The following CACNG6 variants were observed in gnomAD, a reference collection of about 807,000 sequenced individuals.
The protein encoded by CACNG6 is calcium voltage-gated channel auxiliary subunit gamma 6.
A neutral mutation model predicts 23.9 loss-of-function variants in CACNG6; 21 were observed. The observed-to-expected ratio is 0.88, with a 90% CI of 0.62 to 1.26. The LOEUF (loss-of-function observed/expected upper bound fraction) is 1.26, where lower values mean the gene tolerates loss of function less well. Ranked by LOEUF, CACNG6 falls within the 50% of genes most tolerant of loss-of-function variation. The pLI, the probability that CACNG6 is intolerant of heterozygous loss-of-function variation, is 0.00. For synonymous variants in CACNG6, 182 were observed against 168.9 expected (o/e 1.08, Z -0.60); for missense variants, 340 against 352.9 (o/e 0.96, Z 0.29).
intron 1 of CACNG6, among the ~76,000 whole-genome samples, chr19:53,995,479 G>A (rs1228288820): frequency 6.6e-6 from 1 of 152,166 alleles, no homozygotes; most frequent in African/African-American, 2.4e-5. Flanking sequence ...CAGATGGGAT[G>A]TGTCATGTTT....
At chr19:54,007,587 T>C (rs1047162712) in intron 3 of CACNG6, among the ~76,000 whole-genome samples, 1 of 152,284 alleles carries the variant, frequency 6.6e-6, no homozygotes, top group Non-Finnish European at 1.5e-5. Flanking sequence ...TGAACATCTG[T>C]TGAATGAATC....
chr19:54,008,945 C>T (rs536695970), intron 3 of CACNG6, among the ~76,000 whole-genome samples: 1 of 152,284 alleles, frequency 6.6e-6, no homozygotes, highest in Admixed American at 6.5e-5. Context: ...AAGATTTCTT[C>T]GAGTTGACGT....
At chr19:54,009,923 CAAAAAAA>C (rs371771305) in intron 3 of CACNG6, among the ~76,000 whole-genome samples, 1 of 140,380 alleles carries the variant, frequency 7.1e-6, no homozygotes, top group Non-Finnish European at 1.5e-5. Context: ...AACTCCGTCT[CAAAAAAA>C]AAATAAAAAA....
At chr19:54,005,160 GA>G (rs1356876022) in intron 3 of CACNG6, among the ~76,000 whole-genome samples, 1 of 151,238 alleles carries the variant, frequency 6.6e-6, no homozygotes, top group Admixed American at 6.6e-5. Flanking sequence ...AGTGAGCTGG[GA>G]TCGCGCCACT....
At chr19:53,997,401 A>G (rs1226378531) in intron 1 of CACNG6, among the ~76,000 whole-genome samples, 1 of 151,982 alleles carries the variant, frequency 6.6e-6, no homozygotes, top group African/African-American at 2.4e-5. Flanking sequence ...TGCTGCTGTA[A>G]ACATCTGCAT....
intron 3 of CACNG6, among the ~76,000 whole-genome samples, chr19:54,002,275 G>GTTTTTTTTTTTTTTTTTTTTTT (rs1174799698): frequency 4.3e-5 from 5 of 116,432 alleles, no homozygotes; most frequent in African/African-American, 1.4e-4. Context: ...CGGTTTTTTT[G>GTTTTTTTTTTTTTTTTTTTTTT]TTTTTTTTGT....
intron 3 of CACNG6, among the ~76,000 whole-genome samples, chr19:54,008,190 T>C (rs1009470644): frequency 2.0e-5 from 3 of 151,066 alleles, no homozygotes; most frequent in Admixed American, 2.0e-4. Context: ...CCATCTCTAC[T>C]AAAAATACAA....
Position 54,002,267 on chromosome 19 carries a change from G to GTTTTTTTTTTTTT in CACNG6, c.544+2503_544+2504insTTTTTTTTTTTTT, listed in dbSNP as rs138464456. The stretch of plus-strand genomic sequence containing the variant: ...TGCCGCCAAGCCCGGCTAATTTTCG[G>GTTTTTTTTTTTTT]TTTTTTTGTTTTTTTTGTTTTTTTT... On this transcript the variant is annotated intron_variant, in intron 3 of 3. Coordinates refer to ENST00000252729, the MANE Select transcript of CACNG6 (RefSeq NM_145814.2). 7.6e-5 allele frequency among the ~76,000 whole-genome samples: 10 copies of GTTTTTTTTTTTTT among 131,942 alleles called. 1 individual carries two copies. Among genetic ancestry groups the GTTTTTTTTTTTTT allele is most frequent in the African/African-American group, 3.0e-4 (9 of 30,072 alleles). 86.6% of individuals were successfully genotyped at this position (131,942 alleles called of 152,430 possible).
Position 53,992,882 on chromosome 19 carries a change from T to C in CACNG6, c.5T>C (p.Met2Thr), listed in dbSNP as rs747728201. Reference sequence around the variant, plus strand: ...CCCGACCCCACCGGCCATAAGATGATGTGGTCCAACTTCTTCCTGCAAGAG... The same window carrying C: ...CCCGACCCCACCGGCCATAAGATGACGTGGTCCAACTTCTTCCTGCAAGAG... The part of the protein sequence containing the change: M[M>T]WSNFFLQEEN... Residue 2 changes from methionine (M) to threonine (T), a missense_variant, in exon 1 of 4, where the codon ATG (methionine) becomes ACG (threonine). Transcript: ENST00000252729. This position sits in a 1 kb window ranked among gnomAD's most constrained non-coding sequence, Gnocchi z 4.1. 7 of 1,396,448 alleles carry C rather than the reference T, an allele frequency of 5.0e-6. 1 individual carries two copies. The Middle Eastern group carries it at 1.2e-3, about 231-fold the overall frequency. 86.5% of individuals were successfully genotyped at this position (1,396,448 alleles called of 1,614,324 possible). A position where few individuals can be genotyped will look rare whatever the true frequency, so the allele number is the denominator to read the frequency against.
At chr19:53,991,600 G>GGAGGGTGGAGGGT (rs1205894984), upstream of CACNG6, among the ~76,000 whole-genome samples, 29 of 148,456 alleles carry the variant, frequency 2.0e-4, no homozygotes, top group African/African-American at 7.1e-4. Flanking sequence ...GGTGGGGGGT[G>GGAGGGTGGAGGGT]GGCGGGTGGG....
At chr19:53,994,956 G>A (rs1310552727) in intron 1 of CACNG6, among the ~76,000 whole-genome samples, 2 of 152,112 alleles carry the variant, frequency 1.3e-5, no homozygotes, top group East Asian at 3.8e-4. Context: ...CTTATGTAAT[G>A]CCTGGTTCTC....
chr19:53,995,566 G>C (rs964144343), intron 1 of CACNG6, among the ~76,000 whole-genome samples: 1 of 152,198 alleles, frequency 6.6e-6, no homozygotes, highest in African/African-American at 2.4e-5. Context: ...TGTCCCAGAA[G>C]GGCCGTCACA....
chr19:54,001,717 G>A (rs956976471), intron 3 of CACNG6, among the ~76,000 whole-genome samples: 4 of 152,192 alleles, frequency 2.6e-5, no homozygotes, highest in African/African-American at 7.2e-5. Flanking sequence ...CAAGCTGGGA[G>A]AGTTTGCTGC....
At chr19:54,009,396 G>A (rs1012416255) in intron 3 of CACNG6, among the ~76,000 whole-genome samples, 2 of 146,504 alleles carry the variant, frequency 1.4e-5, no homozygotes, top group African/African-American at 5.1e-5. Flanking sequence ...GTTGCAGTGA[G>A]CTGAGATCAT....
intron 3 of CACNG6, among the ~76,000 whole-genome samples, chr19:54,007,367 C>T (rs888661011): frequency 3.3e-5 from 5 of 152,104 alleles, no homozygotes; most frequent in African/African-American, 1.2e-4. Context: ...TTTAAGAACT[C>T]TATATCCAAA....
At chr19:54,001,129 G>T (rs115154446) in intron 3 of CACNG6, among the ~76,000 whole-genome samples, 2,958 of 151,720 alleles carry the variant, frequency 0.019, 68 homozygotes, top group African/African-American at 0.057. Context: ...CCTTGGGAAG[G>T]TTCCTTTTAT....
At chr19:54,005,684 T>C (rs2069635941) in intron 3 of CACNG6, among the ~76,000 whole-genome samples, 1 of 151,070 alleles carries the variant, frequency 6.6e-6, no homozygotes, top group Non-Finnish European at 1.5e-5. Flanking sequence ...ATTCAAGAGG[T>C]GGAGATTGCA....
intron 3 of CACNG6, among the ~76,000 whole-genome samples, chr19:54,011,694 T>C (rs459038): frequency 0.69 from 103,974 of 151,198 alleles, 35,901 homozygotes; most frequent in East Asian, 0.9. Flanking sequence ...CCAACTCCCC[T>C]TTTTCCTCTT....
rs1314277588 is a variant in CACNG6, at chr19:54,011,206, AT to A, written c.545-744del. Among the ~76,000 whole-genome samples, 179 of 99,612 alleles carry A rather than the reference AT, an allele frequency of 1.8e-3. 2 individuals carry two copies. The highest frequency in any genetic ancestry group is 4.3e-3 in the Middle Eastern group (1 of 230). 65.3% of individuals were successfully genotyped at this position (99,612 alleles called of 152,430 possible). Reference sequence around the variant, plus strand: ...CGTCTCTACTAAAAAAAAAAAAAAAATATATATATATATATATATATACACA... The same window carrying A: ...CGTCTCTACTAAAAAAAAAAAAAAAAATATATATATATATATATATACACA... On this transcript the variant is annotated intron_variant, in intron 3 of 3. Coordinates refer to ENST00000252729, the MANE Select transcript of CACNG6 (RefSeq NM_145814.2).
Sources: allele counts gnomAD v4.1 joint callset (sites outside exome capture counted in the v4.1 genomes callset), GRCh38; gene constraint gnomAD v4.1.1; non-coding constraint Gnocchi (gnomAD v3.1); transcripts MANE v1.5; gene names NCBI Gene and HGNC (gene_info 2026-07-23, HGNC 2026-07-21).